The following GSTA3 variants were observed in gnomAD, a reference collection of about 807,000 sequenced individuals.
GSTA3 encodes glutathione S-transferase alpha 3.
Under a neutral mutation model 23.1 loss-of-function variants are expected in GSTA3, and 16 were observed. The observed-to-expected ratio is 0.69, with a 90% CI of 0.47 to 1.05. The LOEUF (loss-of-function observed/expected upper bound fraction) is 1.05. Ranked by LOEUF, GSTA3 falls within the 50% of genes least tolerant of loss-of-function variation. The pLI is 0.00. For missense variants in GSTA3, 319 were observed against 263.6 expected (o/e 1.21, Z -1.46); for synonymous variants, 122 against 91.0 (o/e 1.34, Z -1.94).
At chr6:52,897,755 A>T (rs1218230751) in intron 6 of GSTA3, 70 bp downstream of exon 6, 1 of 1,572,054 alleles carries the variant, frequency 6.4e-7, no homozygotes, top group Admixed American at 1.7e-5. Context: ...GGCCAGTCCA[A>T]GGGCCCAGAT....
Position 52,897,930 on chromosome 6 carries a change from G to A in GSTA3, c.441C>T (p.Tyr147=), listed in dbSNP as rs769213495. 1.2e-6 allele frequency: 2 copies of A among 1,613,874 alleles called. No individual in the cohort carries two copies. Among genetic ancestry groups the A allele is most frequent in the African/African-American group, 1.3e-5 (1 of 74,894 alleles). Residue 147 remains tyrosine, a synonymous_variant, in exon 6 of 7, where the codon TAC becomes TAT. Coordinates refer to ENST00000211122, the MANE Select transcript of GSTA3 (RefSeq NM_000847.5). ...CCCGGCTCAGCTTGTTGCCAACAAG[G>A]TAGTCTTGTCCATGGCTCTGTAACA... is the stretch of plus-strand genomic sequence containing the variant. ...EKVLQSHGQD[Y]LVGNKLSRAD...
intron 3 of GSTA3, among the ~76,000 whole-genome samples, chr6:52,903,057 C>T (rs550510493): frequency 6.6e-6 from 1 of 152,232 alleles, no homozygotes; most frequent in South Asian, 2.1e-4. Flanking sequence ...GTGTGGGATC[C>T]TGAGCTGATG....
At chr6:52,901,383 G>A (rs1765679900) in intron 4 of GSTA3, among the ~76,000 whole-genome samples, 2 of 152,140 alleles carry the variant, frequency 1.3e-5, no homozygotes, top group Non-Finnish European at 2.9e-5. Context: ...TACAATATGT[G>A]GACTTCTGTG....
chr6:52,903,662 A>G lies in GSTA3; in HGVS notation c.139+14T>C. ...AGATACCCTCATCAGAGGCACTTAG[A>G]GACTTGATCTTACCATTTCTTAACT... is the stretch of plus-strand genomic sequence containing the variant. On this transcript the variant is annotated intron_variant, in intron 3 of 6. Transcript: ENST00000211122. 1 of 1,443,696 alleles carries G rather than the reference A, an allele frequency of 6.9e-7. No individual in the cohort carries two copies. Among genetic ancestry groups the G allele is most frequent in the Non-Finnish European group, 9.7e-7 (1 of 1,026,466 alleles). The allele number at this position is 1,443,696 out of a possible 1,614,324, so 89.4% of individuals were successfully genotyped here. A position where few individuals can be genotyped will look rare whatever the true frequency, so the allele number is the denominator to read the frequency against.
chr6:52,899,988 C>T lies in GSTA3; in HGVS notation c.360G>A (p.Lys120=), dbSNP rs756843038. ...TTGTTTTCTCTTTGATCAAGGCAAT[C>T]TTGGCATCTTTTTCCTCAGGTCGAC... is the stretch of plus-strand genomic sequence containing the variant. The part of the protein sequence containing the change: ...PLCRPEEKDA[K]IALIKEKTKS... Residue 120 remains lysine, a synonymous_variant, in exon 5 of 7, where the codon AAG becomes AAA. Coordinates refer to ENST00000211122, the MANE Select transcript of GSTA3 (RefSeq NM_000847.5). 1 of 1,613,964 alleles carries T rather than the reference C, an allele frequency of 6.2e-7. No individual in the cohort carries two copies. Among genetic ancestry groups the T allele is most frequent in the Non-Finnish European group, 8.5e-7 (1 of 1,179,912 alleles).
chr6:52,899,581 T>C (rs976553775), intron 5 of GSTA3, among the ~76,000 whole-genome samples: 1 of 152,226 alleles, frequency 6.6e-6, no homozygotes, highest in Non-Finnish European at 1.5e-5. Flanking sequence ...ATCGCTTTCA[T>C]CATGTTCATC....
At chr6:52,908,237 T>C (rs1318203193) in intron 1 of GSTA3, among the ~76,000 whole-genome samples, 1 of 150,262 alleles carries the variant, frequency 6.7e-6, no homozygotes, top group African/African-American at 2.5e-5. Context: ...AAAAACAAAC[T>C]AGGGCTGGGC....
In GSTA3 at chr6:52,903,665, C is replaced by G. The variant is rs777093604; in HGVS notation, c.139+11G>C. On this transcript the variant is annotated intron_variant, in intron 3 of 6. Coordinates refer to ENST00000211122, the MANE Select transcript of GSTA3 (RefSeq NM_000847.5). Reference sequence around the variant, plus strand: ...TACCCTCATCAGAGGCACTTAGAGACTTGATCTTACCATTTCTTAACTTTC... The same window carrying G: ...TACCCTCATCAGAGGCACTTAGAGAGTTGATCTTACCATTTCTTAACTTTC... 1 of 1,473,706 alleles carries G rather than the reference C, an allele frequency of 6.8e-7. No homozygotes were observed. Among genetic ancestry groups the G allele is most frequent in the Admixed American group, 1.7e-5 (1 of 59,530 alleles). The allele number at this position is 1,473,706 out of a possible 1,614,324, so 91.3% of individuals were successfully genotyped here.
At chr6:52,898,060 A>G in intron 5 of GSTA3, 104 bp from the exon 6 acceptor site, 1 of 1,313,318 alleles carries the variant, frequency 7.6e-7, no homozygotes, top group Non-Finnish European at 1.1e-6. Context: ...TGTGTTGCCT[A>G]ACTGGATGGT....
In GSTA3 at chr6:52,897,819, G is replaced by A. The variant is rs1396288910; in HGVS notation, c.546+6C>T. ...CTGTCTCTCTGAGGGCTGTGAAATG[G>A]GTCACCTTCAGCAGAGGGAAGTTGG... On this transcript the variant is annotated splice_donor_region_variant and intron_variant, in intron 6 of 6. Transcript: ENST00000211122. 8 of 1,613,136 alleles carry A rather than the reference G, an allele frequency of 5.0e-6. No homozygotes were observed. Among genetic ancestry groups the A allele is most frequent in the Non-Finnish European group, 6.8e-6 (8 of 1,179,668 alleles).
intron 3 of GSTA3, 59 bp from the exon 4 acceptor site, chr6:52,902,537 A>G: frequency 6.6e-7 from 1 of 1,505,642 alleles, no homozygotes. Context: ...CTATTTCAGG[A>G]AGAAAAATGA....
At position 52,896,804 on chromosome 6, in the gene GSTA3, T is replaced by C; in HGVS notation, c.*2A>G. ...ATGTTCTTAGCCTCCATGGCTGCTT[T>C]ATTAAAACCTGAAAATCTTTCTGGC... is the stretch of plus-strand genomic sequence containing the variant. On this transcript the variant is annotated 3_prime_UTR_variant, in exon 7 of 7. Transcript: ENST00000211122. 1.2e-6 allele frequency: 2 copies of C among 1,613,996 alleles called. No homozygotes were observed. The highest frequency in any genetic ancestry group is 1.7e-6 in the Non-Finnish European group (2 of 1,179,884).
At chr6:52,900,996 C>T (rs1442560825) in intron 4 of GSTA3, among the ~76,000 whole-genome samples, 1 of 152,202 alleles carries the variant, frequency 6.6e-6, no homozygotes, top group Non-Finnish European at 1.5e-5. Context: ...TGAGACCCCA[C>T]CTAAAAGATC....
At position 52,905,801 on chromosome 6, in the gene GSTA3, C is replaced by T; in HGVS notation, c.34G>A (p.Gly12Arg). Reference sequence around the variant, plus strand: ...CGGATGGGCTCCATTCTGCCCCGTCCATTGAAGTAGTGAAGCTTGGGCTTC... The same window carrying T: ...CGGATGGGCTCCATTCTGCCCCGTCTATTGAAGTAGTGAAGCTTGGGCTTC... ...AGKPKLHYFN[G>R]RGRMEPIRWL... Residue 12 changes from glycine to arginine, a missense_variant, in exon 2 of 7, where the codon GGA (glycine) becomes AGA (arginine). By Grantham distance (125) the Gly-to-Arg change is moderately radical. Coordinates refer to ENST00000211122, the MANE Select transcript of GSTA3 (RefSeq NM_000847.5). 6.2e-7 allele frequency: 1 copy of T among 1,610,552 alleles called. No homozygotes were observed. The highest frequency in any genetic ancestry group is 8.5e-7 in the Non-Finnish European group (1 of 1,177,838).
rs560602887 is a variant in GSTA3 at position 52,903,444 on chromosome 6, A to C, written c.139+232T>G. Among the ~76,000 whole-genome samples the C allele has an allele frequency of 7.9e-4, 120 of 151,592 alleles. 1 individual carries two copies. Among genetic ancestry groups the C allele is most frequent in the African/African-American group, 2.2e-3 (91 of 41,380 alleles). On this transcript the variant is annotated intron_variant, in intron 3 of 6. Coordinates refer to ENST00000211122, the MANE Select transcript of GSTA3 (RefSeq NM_000847.5). ...CTACTAAAAATACAAAAAAAAAAAAAAAACTAGCCTGGTGTGGTGTCTGGC... is the reference window on the plus strand; with the variant it reads ...CTACTAAAAATACAAAAAAAAAAAACAAACTAGCCTGGTGTGGTGTCTGGC...
intron 2 of GSTA3, among the ~76,000 whole-genome samples, chr6:52,904,575 G>A (rs1054001603): frequency 2.0e-5 from 3 of 152,102 alleles, no homozygotes; most frequent in Non-Finnish European, 4.4e-5. Context: ...CTGAAGGGGC[G>A]CGCTAGAAGT....
intron 2 of GSTA3, among the ~76,000 whole-genome samples, chr6:52,904,287 G>C (rs977279402): frequency 3.3e-5 from 5 of 152,074 alleles, no homozygotes; most frequent in African/African-American, 1.2e-4. Flanking sequence ...ACTGCTCCTG[G>C]CCTGCTCCGT....
chr6:52,903,299 C>T (rs1464344976), intron 3 of GSTA3, among the ~76,000 whole-genome samples: 1 of 151,986 alleles, frequency 6.6e-6, no homozygotes, highest in Non-Finnish European at 1.5e-5. Context: ...TTAAAATCTT[C>T]AACTGTGGCC....
intron 2 of GSTA3, among the ~76,000 whole-genome samples, chr6:52,904,399 A>G (rs939825706): frequency 6.6e-6 from 1 of 152,174 alleles, no homozygotes; most frequent in African/African-American, 2.4e-5. Context: ...CTGGGTGACA[A>G]TGAAACAGGG....
Sources: gnomAD v4.1 joint callset for allele counts (sites outside exome capture counted in the v4.1 genomes callset) on GRCh38, gnomAD v4.1.1 for gene constraint, MANE v1.5 for transcripts, NCBI Gene and HGNC (gene_info 2026-07-23, HGNC 2026-07-21) for gene names.